Variants in OSBPL10 observed in about 807,000 individuals in gnomAD.
OSBPL10 encodes oxysterol binding protein like 10, also known as oxysterol-binding protein-related protein 10.
Under a neutral mutation model 81.7 loss-of-function variants are expected in OSBPL10, and 49 were observed. That is an observed-to-expected ratio of 0.60 (90% confidence interval 0.48 to 0.76). The LOEUF (loss-of-function observed/expected upper bound fraction) is 0.76. Among genes scored for constraint, OSBPL10 ranks in the 30% least tolerant of loss-of-function variants. The pLI is 0.00. For missense variants in OSBPL10, 923 were observed against 987.8 expected, an observed-to-expected ratio of 0.93 and a Z score of 0.88; for synonymous variants, 419 against 383.6, an observed-to-expected ratio of 1.09 and a Z score of -1.08.
At chr3:31,674,904 CTCATGTAAGGGT>C (rs1483484386) in intron 8 of OSBPL10, among the ~76,000 whole-genome samples, 4 of 152,216 alleles carry the variant, frequency 2.6e-5, no homozygotes, top group African/African-American at 9.7e-5. Context: ...CAACGGCAGG[CTCATGTAAGGGT>C]TCTGAGCATG....
chr3:31,996,670 T>A (rs1699093014), intron 2 of OSBPL10, among the ~76,000 whole-genome samples: 1 of 152,190 alleles, frequency 6.6e-6, no homozygotes, highest in South Asian at 2.1e-4. Flanking sequence ...GTGCTGACGT[T>A]TCTTTTTGGA....
chr3:31,951,831 G>C (rs1697877758), intron 1 of OSBPL10, among the ~76,000 whole-genome samples: 1 of 152,016 alleles, frequency 6.6e-6, no homozygotes, highest in Non-Finnish European at 1.5e-5. Context: ...TTAAGTGAAA[G>C]TGACAAACTA....
At chr3:31,811,290 TG>T (rs777668345) in intron 4 of OSBPL10, among the ~76,000 whole-genome samples, 1 of 152,128 alleles carries the variant, frequency 6.6e-6, no homozygotes, top group African/African-American at 2.4e-5. Flanking sequence ...CAGAGGTGCC[TG>T]GGAAGGGCGG....
At chr3:32,008,586 A>G (rs1699225541) in intron 2 of OSBPL10, among the ~76,000 whole-genome samples, 2 of 151,982 alleles carry the variant, frequency 1.3e-5, no homozygotes, top group South Asian at 4.2e-4. Flanking sequence ...AAAGACAAAA[A>G]AAAACCCACA....
At chr3:31,845,994 T>C (rs1170235009) in intron 3 of OSBPL10, among the ~76,000 whole-genome samples, 1 of 152,210 alleles carries the variant, frequency 6.6e-6, no homozygotes, top group African/African-American at 2.4e-5. Context: ...CATGACAAAA[T>C]TTTAAAATAG....
chr3:31,736,721 G>A (rs1436816476), intron 5 of OSBPL10, among the ~76,000 whole-genome samples: 1 of 152,168 alleles, frequency 6.6e-6, no homozygotes, highest in Non-Finnish European at 1.5e-5. Flanking sequence ...GCAACACAGT[G>A]AGACCCTGTC....
intron 3 of OSBPL10, among the ~76,000 whole-genome samples, chr3:31,848,599 G>T (rs951465091): frequency 6.6e-6 from 1 of 152,014 alleles, no homozygotes; most frequent in Non-Finnish European, 1.5e-5. Flanking sequence ...CCTTTTAATT[G>T]CATTTCTGCC....
intron 2 of OSBPL10, among the ~76,000 whole-genome samples, chr3:32,039,090 T>G (rs1382652564): frequency 6.7e-6 from 1 of 150,154 alleles, no homozygotes; most frequent in East Asian, 2.0e-4. Context: ...TTTTGGGAGG[T>G]TGAGGCAGGT....
chr3:31,942,101 C>T (rs549551512), intron 1 of OSBPL10, among the ~76,000 whole-genome samples: 3 of 152,068 alleles, frequency 2.0e-5, no homozygotes, highest in South Asian at 4.2e-4. Context: ...GGTGAAACCC[C>T]GTCTCTACTA....
At chr3:31,679,772 C>A (rs1480282882) in intron 8 of OSBPL10, among the ~76,000 whole-genome samples, 1 of 152,290 alleles carries the variant, frequency 6.6e-6, no homozygotes, top group South Asian at 2.1e-4. Flanking sequence ...ATATAAACCT[C>A]ATAGCACGAG....
chr3:31,723,818 T>C (rs936071674), intron 6 of OSBPL10, among the ~76,000 whole-genome samples: 3 of 152,190 alleles, frequency 2.0e-5, no homozygotes, highest in Admixed American at 6.5e-5. Flanking sequence ...TCTCTGAGCG[T>C]TGACTTTCCA....
At chr3:31,890,907 C>G (rs969335864) in intron 1 of OSBPL10, among the ~76,000 whole-genome samples, 7 of 152,076 alleles carry the variant, frequency 4.6e-5, no homozygotes, top group Non-Finnish European at 8.8e-5. Context: ...TGTACTATAA[C>G]ACACCCATCC....
At chr3:31,777,722 C>CT (rs1698581255) in intron 4 of OSBPL10, among the ~76,000 whole-genome samples, 1 of 152,214 alleles carries the variant, frequency 6.6e-6, no homozygotes, top group African/African-American at 2.4e-5. Flanking sequence ...AGAAACCTGC[C>CT]TCCAAACACA....
chr3:31,750,814 C>T (rs1400670607), intron 4 of OSBPL10, among the ~76,000 whole-genome samples: 1 of 152,070 alleles, frequency 6.6e-6, no homozygotes, highest in Non-Finnish European at 1.5e-5. Flanking sequence ...AAGCCATAAA[C>T]TATACGGTAT....
intron 7 of OSBPL10, among the ~76,000 whole-genome samples, chr3:31,684,532 G>C (rs1700742095): frequency 6.6e-6 from 1 of 152,218 alleles, no homozygotes; most frequent in African/African-American, 2.4e-5. Flanking sequence ...TCGGCAATCA[G>C]TGTGTTCTCA....
At chr3:32,032,351 G>A (rs1699477778) in intron 2 of OSBPL10, among the ~76,000 whole-genome samples, 1 of 152,048 alleles carries the variant, frequency 6.6e-6, no homozygotes, top group South Asian at 2.1e-4. Flanking sequence ...GGAGGCAGAG[G>A]TTGCAGTGAG....
intron 3 of OSBPL10, among the ~76,000 whole-genome samples, chr3:31,847,968 G>A (rs1354628458): frequency 6.6e-6 from 1 of 152,092 alleles, no homozygotes; most frequent in Non-Finnish European, 1.5e-5. Context: ...AAGACAAGCT[G>A]AAGGAGTGAA....
At chr3:31,841,392 T>A (rs1217667417) in intron 3 of OSBPL10, among the ~76,000 whole-genome samples, 2 of 152,226 alleles carry the variant, frequency 1.3e-5, no homozygotes, top group African/African-American at 4.8e-5. Flanking sequence ...GATCTCTCCA[T>A]TTTTACCAAT....
intron 1 of OSBPL10, among the ~76,000 whole-genome samples, chr3:32,057,848 C>G (rs879641484): frequency 6.6e-6 from 1 of 152,154 alleles, no homozygotes; most frequent in Admixed American, 6.5e-5. Context: ...GGTGGGGGAC[C>G]AACCCAGGAG....
Sources: gnomAD v4.1 joint callset for allele counts (sites outside exome capture counted in the v4.1 genomes callset) on GRCh38, gnomAD v4.1.1 for gene constraint, MANE v1.5 for transcripts, NCBI Gene and HGNC (gene_info 2026-07-23, HGNC 2026-07-21) for gene names.